ADAMTSL1: variants seen among roughly 807,000 people sequenced by gnomAD.
ADAMTSL1 encodes the protein ADAMTS-like protein 1.
A neutral mutation model predicts 201.8 loss-of-function variants in ADAMTSL1; 126 were observed. The observed-to-expected ratio is 0.62, with a 90% CI of 0.54 to 0.72. The LOEUF (loss-of-function observed/expected upper bound fraction) is 0.72. ADAMTSL1 is among the 30% of genes least tolerant of loss of function. The pLI is 0.00. For synonymous variants in ADAMTSL1, 1,121 were observed against 903.4 expected (o/e 1.24, Z -4.32); for missense variants, 2,679 against 2,277.8 (o/e 1.18, Z -3.59).
chr9:18,287,328 CACACACGTGTGTGTATATATACACAT>C (rs1159182024), intron 2 of ADAMTSL1, among the ~76,000 whole-genome samples: 172 of 152,114 alleles, frequency 1.1e-3, no homozygotes, highest in African/African-American at 3.3e-3. Flanking sequence ...TGTATACACA[CACACACGTGTGTGTATATATACACAT>C]ACATACATAT....
chr9:18,816,840 G>T (rs189086038), intron 20 of ADAMTSL1, among the ~76,000 whole-genome samples: 100 of 138,174 alleles, frequency 7.2e-4, no homozygotes, highest in Non-Finnish European at 1.1e-3. Context: ...GTGATGTTTT[G>T]ATATAATTAA....
chr9:18,548,441 GA>G lies in ADAMTSL1; in HGVS notation c.237+15150del, dbSNP rs376395169. Among the ~76,000 whole-genome samples the G allele has an allele frequency of 4.4e-3, 662 of 152,158 alleles. 4 individuals are homozygous for G. Among genetic ancestry groups the G allele is most frequent in the African/African-American group, 0.015 (606 of 41,546 alleles). Reference sequence around the variant, plus strand: ...CAAGAAAGCTGTGATGTGCCTTATGGAGAAAATGTGTGTGTTAGATAAGCTT... The same window carrying G: ...CAAGAAAGCTGTGATGTGCCTTATGGGAAAATGTGTGTGTTAGATAAGCTT... On this transcript the variant is annotated intron_variant, in intron 3 of 28. Coordinates refer to ENST00000380548, the MANE Select transcript of ADAMTSL1 (RefSeq NM_001040272.6).
At chr9:18,621,725 T>G (rs1826045439) in intron 4 of ADAMTSL1, among the ~76,000 whole-genome samples, 1 of 152,158 alleles carries the variant, frequency 6.6e-6, no homozygotes, top group Admixed American at 6.5e-5. Flanking sequence ...CCAAGCACTG[T>G]TCTCACTGCT....
At chr9:18,672,736 G>A (rs2133105528) in intron 9 of ADAMTSL1, among the ~76,000 whole-genome samples, 1 of 152,250 alleles carries the variant, frequency 6.6e-6, no homozygotes, top group Non-Finnish European at 1.5e-5. Context: ...GCTGCATAAT[G>A]TTTCATTATA....
At chr9:18,164,492 A>T (rs977225514) in intron 2 of ADAMTSL1, among the ~76,000 whole-genome samples, 3 of 151,784 alleles carry the variant, frequency 2.0e-5, no homozygotes, top group African/African-American at 7.2e-5. Context: ...TCTCAAATGA[A>T]AACAATAGTA....
chr9:18,526,067 G>A lies in ADAMTSL1; in HGVS notation c.192-7180G>A, dbSNP rs1416503989. ...TGTTAAAGCCTCCCATTATTATTGTGTGGGAGTCTAAGTCTCTTTGTAAGT... is the reference window on the plus strand; with the variant it reads ...TGTTAAAGCCTCCCATTATTATTGTATGGGAGTCTAAGTCTCTTTGTAAGT... On this transcript the variant is annotated intron_variant, in intron 2 of 28. Transcript: ENST00000380548. Among the ~76,000 whole-genome samples the A allele has an allele frequency of 2.6e-5, 4 of 152,148 alleles. No homozygotes were observed. The East Asian group carries it at 7.7e-4, about 29-fold the overall frequency.
Position 18,071,007 on chromosome 9 carries a change from A to G in ADAMTSL1, c.88-92855A>G, listed in dbSNP as rs191486786. On this transcript the variant is annotated intron_variant, in intron 1 of 29. Coordinates refer to the ADAMTSL1 transcript ENST00000680146. ...TAGACTCAGGGCTAGACAGGACTAGAAGGAAAGCAAAGCAAGAAAAAACAG... is the reference window on the plus strand; with the variant it reads ...TAGACTCAGGGCTAGACAGGACTAGGAGGAAAGCAAAGCAAGAAAAAACAG... Among the ~76,000 whole-genome samples the G allele has an allele frequency of 2.1e-3, 327 of 152,306 alleles. 2 individuals are homozygous for G. Among genetic ancestry groups the G allele is most frequent in the African/African-American group, 7.3e-3 (305 of 41,568 alleles).
At chr9:18,220,561 T>C (rs972690716) in intron 2 of ADAMTSL1, among the ~76,000 whole-genome samples, 16 of 152,172 alleles carry the variant, frequency 1.1e-4, no homozygotes, top group African/African-American at 3.4e-4. Flanking sequence ...AAATCAAATA[T>C]GAGAATCTCT....
chr9:18,091,865 G>C (rs1321252112), intron 1 of ADAMTSL1, among the ~76,000 whole-genome samples: 2 of 152,058 alleles, frequency 1.3e-5, no homozygotes, highest in Admixed American at 1.3e-4. Context: ...TATTGTGAGT[G>C]AGTGAGTGAG....
At chr9:18,520,918 G>T (rs1387862835) in intron 2 of ADAMTSL1, among the ~76,000 whole-genome samples, 8 of 152,132 alleles carry the variant, frequency 5.3e-5, no homozygotes, top group Non-Finnish European at 1.2e-4. Flanking sequence ...GGGATTCAGG[G>T]ACCTTTCATC....
chr9:18,906,119 G>T (rs1269797228), intron 27 of ADAMTSL1, among the ~76,000 whole-genome samples: 1 of 152,198 alleles, frequency 6.6e-6, no homozygotes, highest in Non-Finnish European at 1.5e-5. Context: ...TAGTGATGAA[G>T]AGTGCAAGGG....
intron 9 of ADAMTSL1, among the ~76,000 whole-genome samples, chr9:18,669,623 C>G (rs1282829224): frequency 2.6e-5 from 4 of 152,112 alleles, no homozygotes; most frequent in Admixed American, 1.3e-4. Flanking sequence ...GTTAGGGAAA[C>G]TCTCTGTGTT....
chr9:18,233,672 T>TA (rs768814103), intron 2 of ADAMTSL1, among the ~76,000 whole-genome samples: 6 of 151,924 alleles, frequency 3.9e-5, no homozygotes, highest in South Asian at 2.1e-4. Context: ...CTTGAACACC[T>TA]TATTGGAAAG....
chr9:17,939,392 AT>A (rs553875093), intron 1 of ADAMTSL1, among the ~76,000 whole-genome samples: 28 of 149,558 alleles, frequency 1.9e-4, no homozygotes, highest in Non-Finnish European at 3.6e-4. Context: ...CCTTTCTACC[AT>A]TTTTTTTGGG....
At chr9:17,991,292 T>C (rs1180369517) in intron 1 of ADAMTSL1, among the ~76,000 whole-genome samples, 1 of 152,174 alleles carries the variant, frequency 6.6e-6, no homozygotes, top group South Asian at 2.1e-4. Flanking sequence ...TTCCAAACCT[T>C]TGTCCTATCT....
intron 2 of ADAMTSL1, among the ~76,000 whole-genome samples, chr9:18,359,050 C>A (rs950157944): frequency 1.3e-5 from 2 of 152,268 alleles, no homozygotes; most frequent in African/African-American, 4.8e-5. Flanking sequence ...ATGCTACAAG[C>A]AGATATACTG....
At chr9:18,015,740 C>T (rs1705063245) in intron 1 of ADAMTSL1, among the ~76,000 whole-genome samples, 1 of 152,002 alleles carries the variant, frequency 6.6e-6, no homozygotes, top group African/African-American at 2.4e-5. Flanking sequence ...CAGGGCTTCT[C>T]ATCCTAGGCT....
At chr9:18,713,740 C>T (rs1832746640) in intron 14 of ADAMTSL1, among the ~76,000 whole-genome samples, 1 of 147,000 alleles carries the variant, frequency 6.8e-6, no homozygotes, top group South Asian at 2.2e-4. Flanking sequence ...AGCTCTGCAC[C>T]AAGCGGACCT....
chr9:18,174,299 A>G (rs72701529), intron 2 of ADAMTSL1, among the ~76,000 whole-genome samples: 5,002 of 152,236 alleles, frequency 0.033, 119 homozygotes, highest in Non-Finnish European at 0.054. Flanking sequence ...TAAATAGACC[A>G]TGTCTGACTT....
Sources: allele counts gnomAD v4.1 joint callset (sites outside exome capture counted in the v4.1 genomes callset), GRCh38; gene constraint gnomAD v4.1.1; transcripts MANE v1.5; gene names NCBI Gene and HGNC (gene_info 2026-07-23, HGNC 2026-07-21).